The following CSMD1 variants were observed in gnomAD, a reference collection of about 807,000 sequenced individuals.
The protein encoded by CSMD1 is CUB and sushi domain-containing protein 1.
A neutral mutation model predicts 417.5 loss-of-function variants in CSMD1; 213 were observed. The observed-to-expected ratio is 0.51, with a 90% CI of 0.46 to 0.57. The LOEUF (loss-of-function observed/expected upper bound fraction) is 0.57. CSMD1 is among the 20% of genes least tolerant of loss of function. CSMD1 has a pLI of 0.00. For missense variants in CSMD1, 6,923 were observed against 4,529.7 expected (o/e 1.53, Z -15.17); for synonymous variants, 2,862 against 1,736.8 (o/e 1.65, Z -16.11).
At chr8:3,985,661 T>C (rs1255847033) in intron 5 of CSMD1, among the ~76,000 whole-genome samples, 1 of 152,134 alleles carries the variant, frequency 6.6e-6, no homozygotes, top group Non-Finnish European at 1.5e-5. Context: ...GCTTGCTAGG[T>C]TGATGCTAGA....
intron 5 of CSMD1, among the ~76,000 whole-genome samples, chr8:3,773,260 C>T (rs1798714881): frequency 1.3e-5 from 2 of 152,134 alleles, no homozygotes; most frequent in Non-Finnish European, 2.9e-5. Context: ...TTAGATTCTC[C>T]ATGCATAATT....
intron 3 of CSMD1, among the ~76,000 whole-genome samples, chr8:4,222,079 C>T (rs1003743567): frequency 6.8e-6 from 1 of 147,134 alleles, no homozygotes; most frequent in African/African-American, 2.5e-5. Flanking sequence ...TTAGAAAAGC[C>T]ATTAGTGGAA....
chr8:4,844,623 T>C (rs1463262764), intron 1 of CSMD1, among the ~76,000 whole-genome samples: 1 of 152,168 alleles, frequency 6.6e-6, no homozygotes, highest in African/African-American at 2.4e-5. Context: ...AATAAGCGTC[T>C]TTTCTAAACA....
At chr8:4,975,783 G>C (rs550206717) in intron 1 of CSMD1, among the ~76,000 whole-genome samples, 1 of 152,142 alleles carries the variant, frequency 6.6e-6, no homozygotes. Flanking sequence ...ATGACCAGTT[G>C]TGGAGGAGTC....
chr8:3,369,211 C>T (rs756770995), intron 19 of CSMD1, 43 bp downstream of exon 19: 5 of 954,226 alleles, frequency 5.2e-6, no homozygotes, highest in Non-Finnish European at 8.3e-6. Context: ...TTTTCTGTCT[C>T]ATTTATTAGT....
intron 50 of CSMD1, among the ~76,000 whole-genome samples, chr8:3,045,364 A>G (rs572454560): frequency 6.6e-6 from 1 of 152,218 alleles, no homozygotes; most frequent in East Asian, 1.9e-4. Flanking sequence ...CTTTAAAGCA[A>G]TTGTACATCT....
At chr8:3,806,348 G>C (rs114906630) in intron 5 of CSMD1, among the ~76,000 whole-genome samples, 369 of 152,228 alleles carry the variant, frequency 2.4e-3, no homozygotes, top group African/African-American at 8.6e-3. Flanking sequence ...CAAGTATATA[G>C]AAATGAAAAT....
At chr8:4,048,969 G>C (rs977098064) in intron 3 of CSMD1, among the ~76,000 whole-genome samples, 1 of 152,020 alleles carries the variant, frequency 6.6e-6, no homozygotes, top group Non-Finnish European at 1.5e-5. Flanking sequence ...GTATAAATGT[G>C]TGTGAATTTC....
intron 5 of CSMD1, among the ~76,000 whole-genome samples, chr8:3,841,185 T>A (rs1163772688): frequency 6.6e-6 from 1 of 152,176 alleles, no homozygotes; most frequent in Non-Finnish European, 1.5e-5. Context: ...TTTATGTATG[T>A]AATACAAAGG....
At chr8:4,689,141 GA>G (rs754762122) in intron 1 of CSMD1, among the ~76,000 whole-genome samples, 3 of 152,178 alleles carry the variant, frequency 2.0e-5, no homozygotes, top group Non-Finnish European at 1.5e-5. Flanking sequence ...TATAATGCCT[GA>G]ATTCAGCAAA....
chr8:3,387,533 T>A lies in CSMD1; in HGVS notation c.2743A>T (p.Arg915Trp). The A allele has an allele frequency of 6.2e-7, 1 of 1,602,570 alleles. No individual in the cohort carries two copies. The highest frequency in any genetic ancestry group is 8.5e-7 in the Non-Finnish European group (1 of 1,174,528). ...LSDDEPLVCERNHQWNHALPS... is the reference protein window; with the variant it reads ...LSDDEPLVCEWNHQWNHALPS... ...AAGGCGTGGTTCCACTGGTGGTTCC[T>A]CTCACAGACGAGGGGCTCGTCGTCA... The change falls in exon 18 of 70, where the codon AGG (arginine) becomes TGG (tryptophan). Residue 915 changes from arginine to tryptophan, a missense_variant. Transcript: ENST00000635120.
intron 1 of CSMD1, among the ~76,000 whole-genome samples, chr8:4,818,408 G>A (rs117627803): frequency 1.3e-4 from 20 of 152,122 alleles, no homozygotes; most frequent in East Asian, 3.9e-4. Flanking sequence ...ATATAACATC[G>A]TTTTCTTTTC....
At chr8:4,467,297 AAGG>A (rs1029740503) in intron 2 of CSMD1, among the ~76,000 whole-genome samples, 1 of 152,164 alleles carries the variant, frequency 6.6e-6, no homozygotes, top group African/African-American at 2.4e-5. Context: ...ATGGCAAGGA[AAGG>A]AGGAGTCACT....
chr8:3,716,541 A>G (rs140333601), intron 6 of CSMD1, among the ~76,000 whole-genome samples: 191 of 152,306 alleles, frequency 1.3e-3, no homozygotes, highest in African/African-American at 4.5e-3. Context: ...GAGGATGGCC[A>G]GAGTCACTCT....
chr8:4,776,594 G>T (rs188168721), intron 1 of CSMD1, among the ~76,000 whole-genome samples: 1 of 152,070 alleles, frequency 6.6e-6, no homozygotes, highest in South Asian at 2.1e-4. Context: ...AAACGTTCGC[G>T]TTCAATGATA....
At chr8:4,502,285 A>C (rs1443100571) in intron 2 of CSMD1, among the ~76,000 whole-genome samples, 4 of 152,078 alleles carry the variant, frequency 2.6e-5, no homozygotes, top group African/African-American at 9.7e-5. Flanking sequence ...ATCATTTTAG[A>C]TTCTCCGAGG....
intron 3 of CSMD1, among the ~76,000 whole-genome samples, chr8:4,046,924 C>G (rs977310181): frequency 3.3e-5 from 5 of 152,050 alleles, no homozygotes; most frequent in African/African-American, 1.2e-4. Flanking sequence ...GGCTTATGGC[C>G]AAGAGGGAAC....
intron 6 of CSMD1, among the ~76,000 whole-genome samples, chr8:3,725,604 G>A (rs191653184): frequency 1.4e-4 from 22 of 152,228 alleles, no homozygotes; most frequent in East Asian, 9.7e-4. Flanking sequence ...TGGCTTAGGA[G>A]AGAGAAGGTT....
At chr8:3,385,680 C>T (rs1004524989) in intron 18 of CSMD1, among the ~76,000 whole-genome samples, 3 of 151,850 alleles carry the variant, frequency 2.0e-5, no homozygotes, top group Non-Finnish European at 4.4e-5. Context: ...TTTATGAAAG[C>T]GATATATTAT....
Sources: allele counts gnomAD v4.1 joint callset (sites outside exome capture counted in the v4.1 genomes callset), GRCh38; gene constraint gnomAD v4.1.1; transcripts MANE v1.5; gene names NCBI Gene and HGNC (gene_info 2026-07-23, HGNC 2026-07-21).